SRGAP1: variants seen among roughly 807,000 people sequenced by gnomAD.
SRGAP1 encodes the protein SLIT-ROBO Rho GTPase activating protein 1.
SRGAP1 carries 43 observed loss-of-function variants against 121.9 expected under a neutral mutation model. The ratio of observed to expected loss-of-function variants is 0.35; its 90% confidence interval spans 0.28 to 0.46. The LOEUF (loss-of-function observed/expected upper bound fraction) is 0.46, where lower values mean the gene tolerates loss of function less well. Among genes scored for constraint, SRGAP1 ranks in the 20% least tolerant of loss-of-function variants. The probability of loss-of-function intolerance (pLI) is 1.00; values close to 1 mark genes in which losing one functional copy is unlikely to be tolerated. For synonymous variants in SRGAP1, 447 were observed against 485.4 expected (o/e 0.92, Z 1.04); for missense variants, 1,102 against 1,350.9 (o/e 0.82, Z 2.89).
At position 64,159,196 on chromosome 12, in the gene SRGAP1, T is replaced by C. The variant is rs1280384452; in HGVS notation, c.*16524T>C. 6.6e-6 allele frequency: 1 copy of C among 152,438 alleles called. No homozygotes were observed. The highest frequency in any genetic ancestry group is 2.4e-5 in the African/African-American group (1 of 41,380). 9.4% of individuals were successfully genotyped at this position (152,438 alleles called of 1,614,324 possible). A position where few individuals can be genotyped will look rare whatever the true frequency, so the allele number is the denominator to read the frequency against. On this transcript the variant is annotated 3_prime_UTR_variant, in exon 22 of 22. Coordinates refer to ENST00000355086, the MANE Select transcript of SRGAP1 (RefSeq NM_020762.4). ...AAAACTAGCTGTAGGGCAGGCACGG[T>C]GGTTCACACCTGTAATCCCAGAACT... is the stretch of plus-strand genomic sequence containing the variant.
Position 64,153,115 on chromosome 12 carries a change from A to ATGAGAAGGAACCAGCCATG in SRGAP1, c.*10447_*10465dup, listed in dbSNP as rs1288507618. 2.0e-5 allele frequency: 3 copies of ATGAGAAGGAACCAGCCATG among 151,800 alleles called. No individual in the cohort carries two copies. The highest frequency in any genetic ancestry group is 4.4e-5 in the Non-Finnish European group (3 of 68,038). 9.4% of individuals were successfully genotyped at this position (151,800 alleles called of 1,614,324 possible). A position where few individuals can be genotyped will look rare whatever the true frequency, so the allele number is the denominator to read the frequency against. On this transcript the variant is annotated 3_prime_UTR_variant, in exon 22 of 22. Coordinates refer to ENST00000355086, the MANE Select transcript of SRGAP1 (RefSeq NM_020762.4). ...TAGCATTTGAGCTAAGACCTGAATA[A>ATGAGAAGGAACCAGCCATG]TGAGAAGGAACCAGCCATGTGAAAA...
chr12:63,874,978 T>C (rs1899983820), intron 1 of SRGAP1, among the ~76,000 whole-genome samples: 1 of 152,178 alleles, frequency 6.6e-6, no homozygotes, highest in Non-Finnish European at 1.5e-5. Flanking sequence ...TGCAGTTGCA[T>C]GATCATAGTT....
chr12:63,898,400 A>G (rs556691140), intron 1 of SRGAP1, among the ~76,000 whole-genome samples: 11 of 152,362 alleles, frequency 7.2e-5, no homozygotes, highest in African/African-American at 2.6e-4. Context: ...GTTAACTTGA[A>G]TGAGAACATT....
intron 19 of SRGAP1, 90 bp downstream of exon 19, chr12:64,126,247 A>G: frequency 7.0e-7 from 1 of 1,422,762 alleles, no homozygotes; most frequent in Non-Finnish European, 9.6e-7. Context: ...GTGAGAAAGG[A>G]GCAGAAGGGA....
chr12:64,028,844 C>T (rs2034710677), intron 4 of SRGAP1, among the ~76,000 whole-genome samples: 1 of 152,158 alleles, frequency 6.6e-6, no homozygotes, highest in African/African-American at 2.4e-5. Context: ...ACGTTCAGAC[C>T]ATAGCAGATG....
Position 64,043,521 on chromosome 12 carries a change from C to T in SRGAP1, c.747C>T (p.Ala249=), listed in dbSNP as rs1347278259. 1 of 1,612,346 alleles carries T rather than the reference C, an allele frequency of 6.2e-7. No individual in the cohort carries two copies. The highest frequency in any genetic ancestry group is 1.3e-5 in the African/African-American group (1 of 74,914). Residue 249 remains alanine (A), a synonymous_variant, in exon 6 of 22, where the codon GCC becomes GCT. Coordinates refer to ENST00000355086, the MANE Select transcript of SRGAP1 (RefSeq NM_020762.4). ...ARNEYLLTLE[A]TNASVFKYYI... Reference sequence around the variant, plus strand: ...ACGAATATCTCCTAACACTTGAAGCCACCAATGCCTCAGTTTTCAAGTACT... The same window carrying T: ...ACGAATATCTCCTAACACTTGAAGCTACCAATGCCTCAGTTTTCAAGTACT...
chr12:64,069,351 G>A (rs560082881), intron 8 of SRGAP1, among the ~76,000 whole-genome samples: 5 of 152,268 alleles, frequency 3.3e-5, no homozygotes, highest in African/African-American at 4.8e-5. Flanking sequence ...AATTAAATAC[G>A]TGGTTGGTGA....
Position 64,041,359 on chromosome 12 carries a change from T to TTTTATTTA in SRGAP1, c.490-1399_490-1392dup, listed in dbSNP as rs537809038. 4.6e-3 allele frequency among the ~76,000 whole-genome samples: 398 copies of TTTTATTTA among 85,808 alleles called. 1 individual carries two copies. The highest frequency in any genetic ancestry group is 9.9e-3 in the African/African-American group (331 of 33,584). 56.3% of individuals were successfully genotyped at this position (85,808 alleles called of 152,430 possible). A position where few individuals can be genotyped will look rare whatever the true frequency, so the allele number is the denominator to read the frequency against. Reference sequence around the variant, plus strand: ...GAGAGAAATCATATATGGCATTTTATTTTATTTATTTATTTATTTATTTAT... The same window carrying TTTTATTTA: ...GAGAGAAATCATATATGGCATTTTATTTTATTTATTTATTTATTTATTTATTTATTTAT... On this transcript the variant is annotated intron_variant, in intron 4 of 21. Transcript: ENST00000355086.
At chr12:64,052,527 C>A (rs977462325) in intron 6 of SRGAP1, among the ~76,000 whole-genome samples, 1 of 151,226 alleles carries the variant, frequency 6.6e-6, no homozygotes, top group African/African-American at 2.4e-5. Context: ...TGTACTCCAG[C>A]CTAGGCGACA....
At chr12:64,036,687 C>T (rs1380595652) in intron 4 of SRGAP1, among the ~76,000 whole-genome samples, 4 of 152,134 alleles carry the variant, frequency 2.6e-5, no homozygotes, top group African/African-American at 4.8e-5. Context: ...TCCCATTAGT[C>T]CAATCCCAGG....
chr12:64,128,467 A>G (rs1355703480), intron 21 of SRGAP1, among the ~76,000 whole-genome samples: 1 of 152,212 alleles, frequency 6.6e-6, no homozygotes, highest in East Asian at 1.9e-4. Flanking sequence ...CAAACCTATC[A>G]TTGTGAATAG....
At position 63,868,079 on chromosome 12, in the gene SRGAP1, G is replaced by A. The variant is rs56136413; in HGVS notation, c.67+23196G>A. Among the ~76,000 whole-genome samples the A allele has an allele frequency of 2.4e-4, 15 of 63,470 alleles. No individual in the cohort carries two copies. The East Asian group carries it at 9.1e-3, about 38-fold the overall frequency. 41.6% of individuals were successfully genotyped at this position (63,470 alleles called of 152,430 possible). A position where few individuals can be genotyped will look rare whatever the true frequency, so the allele number is the denominator to read the frequency against. On this transcript the variant is annotated intron_variant, in intron 1 of 21. Transcript: ENST00000355086. ...ATATTTTTTTTTTTTTTTTTTTTTT[G>A]TTTTTTTTTTTTTGTTTTTTGAGAT...
At chr12:63,973,004 G>A (rs1314739839) in intron 1 of SRGAP1, among the ~76,000 whole-genome samples, 4 of 151,884 alleles carry the variant, frequency 2.6e-5, no homozygotes, top group Admixed American at 6.6e-5. Flanking sequence ...AAAATTAGCC[G>A]GGCATGGTGG....
chr12:63,944,250 C>T (rs997728900), intron 1 of SRGAP1, among the ~76,000 whole-genome samples: 4 of 152,144 alleles, frequency 2.6e-5, no homozygotes, highest in Non-Finnish European at 5.9e-5. Flanking sequence ...TGGGTTTTGT[C>T]TTAGTCAGTT....
At chr12:64,012,126 T>G (rs1263561281) in intron 3 of SRGAP1, among the ~76,000 whole-genome samples, 1 of 152,208 alleles carries the variant, frequency 6.6e-6, no homozygotes, top group African/African-American at 2.4e-5. Flanking sequence ...TTCTTCAGTA[T>G]TCAATATACT....
At chr12:63,956,258 C>A (rs757350376) in intron 1 of SRGAP1, among the ~76,000 whole-genome samples, 1 of 151,992 alleles carries the variant, frequency 6.6e-6, no homozygotes, top group African/African-American at 2.4e-5. Flanking sequence ...TGGGCTCAAG[C>A]GATCTTAAAC....
At chr12:63,974,179 A>G (rs568273996) in intron 1 of SRGAP1, among the ~76,000 whole-genome samples, 1 of 152,268 alleles carries the variant, frequency 6.6e-6, no homozygotes, top group African/African-American at 2.4e-5. Context: ...ATGTTGTTCA[A>G]CTGCAGTCAT....
In SRGAP1 at chr12:64,127,889, C is replaced by T. The variant is rs778202196; in HGVS notation, c.2569C>T (p.Pro857Ser). The T allele has an allele frequency of 6.2e-7, 1 of 1,613,036 alleles. No individual in the cohort carries two copies. The highest frequency in any genetic ancestry group is 1.7e-5 in the Admixed American group (1 of 59,966). ...RQRKRGEPPPPVRRPGRTSDG... is the reference protein window; with the variant it reads ...RQRKRGEPPPSVRRPGRTSDG... Reference sequence around the variant, plus strand: ...ACGAAAAAGAGGAGAGCCACCCCCTCCAGTAAGGCGTCCTGGCAGGACCAG... The same window carrying T: ...ACGAAAAAGAGGAGAGCCACCCCCTTCAGTAAGGCGTCCTGGCAGGACCAG... The change falls in exon 21 of 22, where the codon CCA (proline) becomes TCA (serine). Residue 857 changes from proline to serine, a missense_variant. Physicochemically the swap from Pro to Ser is moderately conservative, Grantham distance 74 (BLOSUM62 -1). Around this residue, in one of 3 missense-constraint regions of SRGAP1, gnomAD observed 315 missense variants for 343.1 expected, o/e 0.92. Transcript: ENST00000355086.
At chr12:64,024,647 G>A (rs1485617893) in intron 4 of SRGAP1, among the ~76,000 whole-genome samples, 6 of 152,074 alleles carry the variant, frequency 3.9e-5, no homozygotes, top group Non-Finnish European at 2.9e-5. Flanking sequence ...GTATTAGTCC[G>A]TTTTCACACT....
Sources: allele counts gnomAD v4.1 joint callset (sites outside exome capture counted in the v4.1 genomes callset), GRCh38; gene constraint gnomAD v4.1.1; regional missense constraint gnomAD v4.1.1; transcripts MANE v1.5; gene names NCBI Gene and HGNC (gene_info 2026-07-23, HGNC 2026-07-21).